The following XIRP2 variants were observed in gnomAD, a reference collection of about 807,000 sequenced individuals.
XIRP2 encodes xin actin binding repeat containing 2.
A neutral mutation model predicts 277.0 loss-of-function variants in XIRP2; 236 were observed. That is an observed-to-expected ratio of 0.85 (90% confidence interval 0.77 to 0.95). XIRP2 has a LOEUF of 0.95. Ranked by LOEUF, XIRP2 falls within the 40% of genes least tolerant of loss-of-function variation. The pLI, the probability that XIRP2 is intolerant of heterozygous loss-of-function variation, is 0.00. For synonymous variants in XIRP2, 1,490 were observed against 1,416.5 expected (o/e 1.05, Z -1.17); for missense variants, 4,640 against 4,157.5 (o/e 1.12, Z -3.19).
At chr2:167,143,544 G>A (rs997081973) in intron 3 of XIRP2, among the ~76,000 whole-genome samples, 21 of 152,140 alleles carry the variant, frequency 1.4e-4, no homozygotes, top group African/African-American at 5.1e-4. Context: ...ATGCTTAACA[G>A]CTCATTTCAA....
chr2:166,998,433 C>G (rs927045674), intron 2 of XIRP2, among the ~76,000 whole-genome samples: 5 of 151,962 alleles, frequency 3.3e-5, no homozygotes, highest in Non-Finnish European at 7.4e-5. Context: ...GTCAGGAGAT[C>G]GAGACCATCC....
intron 2 of XIRP2, among the ~76,000 whole-genome samples, chr2:166,910,666 G>T (rs1382570421): frequency 6.6e-6 from 1 of 152,204 alleles, no homozygotes; most frequent in Non-Finnish European, 1.5e-5. Flanking sequence ...TTTTGAATGT[G>T]TTTGCCCTTC....
chr2:166,939,679 C>CAAA lies in XIRP2; in HGVS notation c.408+35806_408+35808dup, dbSNP rs138977006. 6.1e-3 allele frequency among the ~76,000 whole-genome samples: 548 copies of CAAA among 90,548 alleles called. 23 individuals carry two copies. Among genetic ancestry groups the CAAA allele is most frequent in the African/African-American group, 0.023 (443 of 19,598 alleles). 59.4% of individuals were successfully genotyped at this position (90,548 alleles called of 152,430 possible). ...TGGGCGAAAGAGCAAGACTCCATCA[C>CAAA]AAAAAAAAAAAAAAAAAAACAAAAA... On this transcript the variant is annotated intron_variant, in intron 2 of 10. Coordinates refer to ENST00000409195, the MANE Select transcript of XIRP2 (RefSeq NM_152381.6).
At chr2:167,240,784 G>A in intron 7 of XIRP2, 48 bp downstream of exon 7, 2 of 1,544,650 alleles carry the variant, frequency 1.3e-6, no homozygotes, top group Non-Finnish European at 1.8e-6. Context: ...TCCTATTGAT[G>A]TGTTTGATTT....
chr2:167,253,937 C>T (rs1288385196), intron 9 of XIRP2, 95 bp from the exon 10 acceptor site: 38 of 1,371,890 alleles, frequency 2.8e-5, no homozygotes, highest in East Asian at 4.8e-5. Flanking sequence ...CTACTTTAAC[C>T]GCATGGCCAG....
intron 2 of XIRP2, among the ~76,000 whole-genome samples, chr2:166,994,975 G>A (rs1283077332): frequency 6.6e-6 from 1 of 151,096 alleles, no homozygotes; most frequent in African/African-American, 2.4e-5. Flanking sequence ...TCCGCCTCCC[G>A]GGTTCAAGTG....
intron 2 of XIRP2, among the ~76,000 whole-genome samples, chr2:167,119,319 T>A (rs1368539446): frequency 6.6e-6 from 1 of 152,130 alleles, no homozygotes; most frequent in Admixed American, 6.5e-5. Flanking sequence ...ATAAAAGTAT[T>A]TGAAATATAA....
At chr2:167,047,912 T>C (rs1241460159) in intron 2 of XIRP2, among the ~76,000 whole-genome samples, 7 of 152,042 alleles carry the variant, frequency 4.6e-5, no homozygotes, top group African/African-American at 1.4e-4. Context: ...GATTTGAAGG[T>C]TAATTAAACT....
chr2:167,155,321 G>C (rs1249109691), intron 3 of XIRP2, among the ~76,000 whole-genome samples: 6 of 151,856 alleles, frequency 4.0e-5, no homozygotes, highest in Admixed American at 2.6e-4. Flanking sequence ...CAATATCCTT[G>C]ATGAACATTG....
chr2:167,080,261 A>G (rs1689694359), intron 2 of XIRP2, among the ~76,000 whole-genome samples: 1 of 152,222 alleles, frequency 6.6e-6, no homozygotes, highest in Non-Finnish European at 1.5e-5. Flanking sequence ...GTTATTTCAC[A>G]AAATATTCTA....
intron 3 of XIRP2, among the ~76,000 whole-genome samples, chr2:167,141,450 A>G (rs1173843205): frequency 2.6e-5 from 4 of 152,170 alleles, no homozygotes. Flanking sequence ...AAAATAATGA[A>G]GAAGTAAATG....
intron 3 of XIRP2, among the ~76,000 whole-genome samples, chr2:167,195,417 C>T (rs993383049): frequency 2.6e-5 from 4 of 152,190 alleles, no homozygotes; most frequent in African/African-American, 9.6e-5. Flanking sequence ...TTCTTTCTCA[C>T]ATTTCTTCCA....
rs367585712 is a variant in XIRP2, at chr2:167,218,250, C to T, written c.808C>T (p.Arg270Cys). 20 of 1,607,646 alleles carry T rather than the reference C, an allele frequency of 1.2e-5. No individual in the cohort carries two copies. The African/African-American group carries it at 1.3e-4, about 11-fold the overall frequency. The change falls in exon 5 of 11, where the codon CGT (arginine) becomes TGT (cysteine). Residue 270 changes from arginine to cysteine, a missense_variant. Transcript: ENST00000409195. ...KQFEDEITSS[R>C]NTFAQYQYQH... is the part of the protein sequence containing the mutation. ...ATTTGAGGACGAAATTACTTCTTCC[C>T]GTAATACCTTTGCTCAATACCAATA...
rs1173566782 is a variant in XIRP2, at chr2:167,248,177, G to A, written c.6785G>A (p.Gly2262Asp). ...DFLMKTNTST[G>D]LKMAMERSLN... ...CTAATGAAAACAAATACTTCCACAG[G>A]CTTAAAAATGGCAATGGAAAGGTCC... Residue 2262 changes from glycine (G) to aspartate (D), a missense_variant, in exon 9 of 11, where the codon GGC becomes GAC. By Grantham distance (94) the Gly-to-Asp change is moderately conservative. Coordinates refer to ENST00000409195, the MANE Select transcript of XIRP2 (RefSeq NM_152381.6). 1.2e-6 allele frequency: 2 copies of A among 1,613,620 alleles called. No individual in the cohort carries two copies. The highest frequency in any genetic ancestry group is 2.2e-5 in the South Asian group (2 of 91,066).
intron 10 of XIRP2, among the ~76,000 whole-genome samples, chr2:167,257,170 A>G (rs965101858): frequency 6.6e-6 from 1 of 151,890 alleles, no homozygotes; most frequent in African/African-American, 2.4e-5. Flanking sequence ...GCTATCACCA[A>G]TACAGATGAG....
intron 2 of XIRP2, among the ~76,000 whole-genome samples, chr2:166,967,002 T>G (rs1277593735): frequency 6.6e-6 from 1 of 151,948 alleles, no homozygotes; most frequent in Non-Finnish European, 1.5e-5. Context: ...GCACCCCATA[T>G]TTGAGAAGCA....
intron 9 of XIRP2, 134 bp from the exon 10 acceptor site, chr2:167,253,898 A>G (rs1353393268): frequency 3.0e-6 from 3 of 990,318 alleles, no homozygotes; most frequent in Middle Eastern, 3.4e-4. Context: ...CCAGAGAAAC[A>G]TCATAAGGAC....
intron 2 of XIRP2, among the ~76,000 whole-genome samples, chr2:166,905,044 G>C (rs1011076566): frequency 1.3e-5 from 2 of 151,918 alleles, no homozygotes; most frequent in Non-Finnish European, 2.9e-5. Context: ...AGGTTATGTA[G>C]AGACTACAGA....
In XIRP2 at chr2:167,247,880, C is replaced by T. The variant is rs1328835832; in HGVS notation, c.6488C>T (p.Pro2163Leu). 2 of 1,613,462 alleles carry T rather than the reference C, an allele frequency of 1.2e-6. No homozygotes were observed. Among genetic ancestry groups the T allele is most frequent in the Non-Finnish European group, 1.7e-6 (2 of 1,179,734 alleles). ...GATACACAAAGCTCCAAGCCCAGTC[C>T]CACCCAGCATCCAGTCAGCATGCCA... ...LTDTQSSKPS[P>L]TQHPVSMPVG... Residue 2163 changes from proline to leucine, a missense_variant, in exon 9 of 11, where the codon CCC becomes CTC. Pro to Leu is a moderately conservative substitution (Grantham distance 98, BLOSUM62 -3). Transcript: ENST00000409195.
Sources: allele counts gnomAD v4.1 joint callset (sites outside exome capture counted in the v4.1 genomes callset), GRCh38; gene constraint gnomAD v4.1.1; transcripts MANE v1.5; gene names NCBI Gene and HGNC (gene_info 2026-07-23, HGNC 2026-07-21).